The following FAXC variants were observed in gnomAD, a reference collection of about 807,000 sequenced individuals.
The protein encoded by FAXC is failed axon connections homolog.
A neutral mutation model predicts 41.9 loss-of-function variants in FAXC; 10 were observed. The observed-to-expected ratio is 0.24, with a 90% CI of 0.15 to 0.41. FAXC has a LOEUF of 0.41. Ranked by LOEUF, FAXC falls within the 10% of genes least tolerant of loss-of-function variation. The pLI is 1.00. For missense variants in FAXC, 399 were observed against 510.9 expected (o/e 0.78, Z 2.11); for synonymous variants, 183 against 183.8 (o/e 1.00, Z 0.03).
intron 1 of FAXC, among the ~76,000 whole-genome samples, chr6:99,343,710 C>G (rs1429623896): frequency 6.6e-6 from 1 of 152,158 alleles, no homozygotes; most frequent in Non-Finnish European, 1.5e-5. Context: ...TGCTATGACC[C>G]AAGTCTGTAG....
chr6:99,324,041 AGG>A (rs1388289989), intron 3 of FAXC, among the ~76,000 whole-genome samples: 8 of 152,178 alleles, frequency 5.3e-5, no homozygotes, highest in Non-Finnish European at 8.8e-5. Flanking sequence ...ATGGGGGCAC[AGG>A]GCAGGAGGCA....
intron 4 of FAXC, among the ~76,000 whole-genome samples, chr6:99,293,469 T>C (rs1771326882): frequency 6.6e-6 from 1 of 152,254 alleles, no homozygotes; most frequent in South Asian, 2.1e-4. Context: ...TTTCAGTTCA[T>C]ACAGTCCTGT....
chr6:99,321,070 T>A (rs1772570838), intron 4 of FAXC, among the ~76,000 whole-genome samples: 1 of 152,234 alleles, frequency 6.6e-6, no homozygotes, highest in African/African-American at 2.4e-5. Flanking sequence ...ACAGGCTATA[T>A]GAAAACAGGC....
At chr6:99,329,015 G>A (rs1772930981) in intron 3 of FAXC, among the ~76,000 whole-genome samples, 1 of 152,210 alleles carries the variant, frequency 6.6e-6, no homozygotes, top group Non-Finnish European at 1.5e-5. Context: ...TACGGAAAAT[G>A]AAGAAGGGGC....
At chr6:99,325,234 T>C (rs1436353886) in intron 3 of FAXC, among the ~76,000 whole-genome samples, 1 of 152,166 alleles carries the variant, frequency 6.6e-6, no homozygotes, top group Non-Finnish European at 1.5e-5. Flanking sequence ...GATCATTGTA[T>C]ATAGTTCTGT....
At chr6:99,293,108 TA>T (rs1459819766) in intron 4 of FAXC, among the ~76,000 whole-genome samples, 4 of 152,168 alleles carry the variant, frequency 2.6e-5, no homozygotes, top group South Asian at 2.1e-4. Context: ...CGCCCGGCCC[TA>T]AGACACTCTT....
At chr6:99,320,122 G>C (rs945117919) in intron 4 of FAXC, among the ~76,000 whole-genome samples, 1 of 152,200 alleles carries the variant, frequency 6.6e-6, no homozygotes, top group Non-Finnish European at 1.5e-5. Context: ...TCAACACTAA[G>C]TATGACACCA....
chr6:99,297,009 A>T (rs1771523688), intron 4 of FAXC, among the ~76,000 whole-genome samples: 1 of 152,214 alleles, frequency 6.6e-6, no homozygotes, highest in Middle Eastern at 3.2e-3. Flanking sequence ...CTAAACCATG[A>T]ATAACAAGAA....
At chr6:99,319,347 C>T (rs1308294254) in intron 4 of FAXC, among the ~76,000 whole-genome samples, 2 of 144,900 alleles carry the variant, frequency 1.4e-5, no homozygotes, top group Non-Finnish European at 3.0e-5. Flanking sequence ...TGCAGTGAGC[C>T]GAGATTGCAC....
chr6:99,341,374 AAAAG>A (rs1253668104), intron 2 of FAXC, among the ~76,000 whole-genome samples: 3 of 152,136 alleles, frequency 2.0e-5, no homozygotes, highest in Non-Finnish European at 4.4e-5. Flanking sequence ...AATAAATACA[AAAAG>A]AGAGAGGGCG....
Position 99,327,861 on chromosome 6 carries a change from T to C in FAXC, c.600-4194A>G, listed in dbSNP as rs573541918. On this transcript the variant is annotated intron_variant, in intron 3 of 5. Transcript: ENST00000389677. ...GCCAGTCACCCTGTGAATTTGCCCT[T>C]TCTCCAACTCTATAAACACTGCAGT... Among the ~76,000 whole-genome samples, 4 of 152,246 alleles carry C rather than the reference T, an allele frequency of 2.6e-5. No individual in the cohort carries two copies. The East Asian group carries it at 7.7e-4, about 29-fold the overall frequency.
intron 4 of FAXC, among the ~76,000 whole-genome samples, chr6:99,321,569 C>T (rs371854888): frequency 3.9e-5 from 6 of 152,344 alleles, no homozygotes; most frequent in African/African-American, 4.8e-5. Context: ...CAGAATATAA[C>T]GCCAGCTAAC....
chr6:99,289,940 A>T (rs1771169718), intron 5 of FAXC, among the ~76,000 whole-genome samples: 1 of 151,504 alleles, frequency 6.6e-6, no homozygotes, highest in Admixed American at 6.6e-5. Flanking sequence ...GCACCAGAAG[A>T]GAGTACTGCA....
chr6:99,348,943 C>T (rs1213864531), intron 1 of FAXC, among the ~76,000 whole-genome samples, 164 bp downstream of exon 1: 1 of 152,230 alleles, frequency 6.6e-6, no homozygotes, highest in Non-Finnish European at 1.5e-5. Flanking sequence ...AACTGCCCCT[C>T]ACGGCCAGGT....
intron 3 of FAXC, among the ~76,000 whole-genome samples, chr6:99,326,687 AG>A (rs1772816251): frequency 1.3e-5 from 2 of 152,200 alleles, no homozygotes; most frequent in African/African-American, 4.8e-5. Flanking sequence ...CCATAGTTCA[AG>A]GGCAAGTTAG....
rs12332798 is a variant in FAXC, at chr6:99,342,977, G to C, written c.323C>G (p.Pro108Arg). ...DAIILHQFAR[P>R]NNGVPSLSPF... ...AGATAAACTTGGAACACCATTGTTA[G>C]GTCTTGCAAACTGATGCAAAATAAT... is the stretch of plus-strand genomic sequence containing the variant. The change falls in exon 2 of 6, where the codon CCT becomes CGT. Residue 108 changes from proline to arginine, a missense_variant. This residue lies in a region of FAXC where 239 missense variants were observed against 352.7 expected (regional missense o/e 0.68). Transcript: ENST00000389677. 1 of 1,612,120 alleles carries C rather than the reference G, an allele frequency of 6.2e-7. No homozygotes were observed. The highest frequency in any genetic ancestry group is 8.5e-7 in the Non-Finnish European group (1 of 1,179,500).
intron 5 of FAXC, 115 bp downstream of exon 5, chr6:99,291,589 T>A (rs1771242723): frequency 1.3e-6 from 1 of 757,398 alleles, no homozygotes; most frequent in Non-Finnish European, 2.4e-6. Context: ...ATGCCTGGTG[T>A]CTCCATAAAG....
At chr6:99,303,760 A>G (rs185255394) in intron 4 of FAXC, among the ~76,000 whole-genome samples, 5 of 152,330 alleles carry the variant, frequency 3.3e-5, no homozygotes, top group African/African-American at 1.2e-4. Context: ...TCTCTCCCAT[A>G]AAAAATAACT....
At chr6:99,313,253 A>ACTGC (rs1772215807) in intron 4 of FAXC, among the ~76,000 whole-genome samples, 1 of 152,254 alleles carries the variant, frequency 6.6e-6, no homozygotes, top group East Asian at 1.9e-4. Context: ...TGATTGTGCC[A>ACTGC]CTGCACTACA....
Sources: gnomAD v4.1 joint callset for allele counts (sites outside exome capture counted in the v4.1 genomes callset) on GRCh38, gnomAD v4.1.1 for gene constraint, gnomAD v4.1.1 regional missense constraint, MANE v1.5 for transcripts, NCBI Gene and HGNC (gene_info 2026-07-23, HGNC 2026-07-21) for gene names.